Variants in RUFY3 observed in about 807,000 individuals in gnomAD.
RUFY3 encodes protein RUFY3.
A neutral mutation model predicts 84.0 loss-of-function variants in RUFY3; 34 were observed. That is an observed-to-expected ratio of 0.40 (90% CI 0.31 to 0.54). The LOEUF is 0.54. RUFY3 is among the 20% of genes least tolerant of loss of function. The pLI is 0.39. For synonymous variants in RUFY3, 242 were observed against 252.9 expected (o/e 0.96, Z 0.41); for missense variants, 507 against 736.8 (o/e 0.69, Z 3.61).
chr4:70,751,112 G>A (rs1723065314), intron 1 of RUFY3, among the ~76,000 whole-genome samples: 1 of 152,092 alleles, frequency 6.6e-6, no homozygotes, highest in Non-Finnish European at 1.5e-5. Flanking sequence ...ACATGCGCAG[G>A]TTTGTTACAT....
chr4:70,715,949 T>C (rs1246898979), intron 1 of RUFY3, among the ~76,000 whole-genome samples: 1 of 151,826 alleles, frequency 6.6e-6, no homozygotes, highest in Non-Finnish European at 1.5e-5. Context: ...CCATCTGTAC[T>C]AAAAATATAA....
upstream of RUFY3, among the ~76,000 whole-genome samples, chr4:70,718,729 CT>C (rs59240584): frequency 0.1 from 15,073 of 147,586 alleles, 1,582 homozygotes; most frequent in African/African-American, 0.27. Context: ...TATCTAAAAT[CT>C]TTTTTTTTTT....
chr4:70,792,138 T>G, intron 12 of RUFY3: 8 of 985,450 alleles, frequency 8.1e-6, no homozygotes, highest in Non-Finnish European at 9.6e-6. Flanking sequence ...TAACAAAAAA[T>G]GATGCAGTAC....
chr4:70,768,335 A>G (rs1344585374), intron 4 of RUFY3, among the ~76,000 whole-genome samples: 5 of 152,098 alleles, frequency 3.3e-5, no homozygotes, highest in Non-Finnish European at 7.3e-5. Context: ...CTCCAGTGCC[A>G]CTTGCCAACA....
chr4:70,722,846 C>A, intron 1 of RUFY3, 95 bp downstream of exon 1: 1 of 1,211,322 alleles, frequency 8.3e-7, no homozygotes, highest in Non-Finnish European at 1.2e-6. Context: ...AGAACCTACA[C>A]TCTCAACTGT....
Position 70,762,612 on chromosome 4 carries a change from G to A in RUFY3, c.272G>A (p.Gly91Glu), listed in dbSNP as rs1560511264. Residue 91 changes from glycine to glutamate, a missense_variant, in exon 2 of 18, where the codon GGG (glycine) becomes GAG (glutamate). Gly to Glu is a moderately conservative substitution (Grantham distance 98). Transcript: ENST00000381006. Reference sequence around the variant, plus strand: ...TTGATTGAATCAGCTCTGAACCTGGGGAGGACTCTTGACTCTGACTATGCA... The same window carrying A: ...TTGATTGAATCAGCTCTGAACCTGGAGAGGACTCTTGACTCTGACTATGCA... ...KGLIESALNL[G>E]RTLDSDYAPL... 6.2e-7 allele frequency: 1 copy of A among 1,613,982 alleles called. No homozygotes were observed. Among genetic ancestry groups the A allele is most frequent in the South Asian group, 1.1e-5 (1 of 91,058 alleles).
At chr4:70,775,925 A>G (rs1210188310) in intron 7 of RUFY3, among the ~76,000 whole-genome samples, 1 of 133,710 alleles carries the variant, frequency 7.5e-6, no homozygotes, top group Non-Finnish European at 1.5e-5. Flanking sequence ...TGGGTTACAG[A>G]GCGAGACACT....
chr4:70,728,363 G>A (rs1222561892), intron 1 of RUFY3, among the ~76,000 whole-genome samples: 2 of 152,226 alleles, frequency 1.3e-5, no homozygotes, highest in Admixed American at 6.5e-5. Flanking sequence ...GCAGCATCGT[G>A]AGAGAGGATC....
chr4:70,704,488 G>C (rs1740019773), upstream of RUFY3: 1 of 154,242 alleles, frequency 6.5e-6, no homozygotes, highest in Non-Finnish European at 1.4e-5. Context: ...ATTTCGCCAG[G>C]TCTTCCACTT....
chr4:70,793,052 C>T (rs1483276034), intron 12 of RUFY3: 17 of 985,220 alleles, frequency 1.7e-5, no homozygotes, highest in Middle Eastern at 5.2e-4. Context: ...CCTTCTAAAA[C>T]ATGCTTCTCT....
At position 70,784,873 on chromosome 4, in the gene RUFY3, A is replaced by C; in HGVS notation, c.1065A>C (p.Leu355Phe). 1 of 1,596,892 alleles carries C rather than the reference A, an allele frequency of 6.3e-7. No homozygotes were observed. Among genetic ancestry groups the C allele is most frequent in the East Asian group, 2.3e-5 (1 of 43,894 alleles). ...ARKHLKEETQLRLDVEKELEM... is the reference protein window; with the variant it reads ...ARKHLKEETQFRLDVEKELEM... ...AGCATTTAAAAGAAGAGACACAATT[A>C]CGATTGGTAAACTATGCTTAATTTC... Residue 355 changes from leucine (L) to phenylalanine (F), a missense_variant, in exon 10 of 18, where the codon TTA (leucine) becomes TTC (phenylalanine). Coordinates refer to ENST00000381006, the MANE Select transcript of RUFY3 (RefSeq NM_001037442.4).
At chr4:70,756,068 C>T (rs1011320297) in intron 1 of RUFY3, among the ~76,000 whole-genome samples, 1 of 152,120 alleles carries the variant, frequency 6.6e-6, no homozygotes, top group Admixed American at 6.6e-5. Flanking sequence ...GCTGTATTCC[C>T]CACCAATGTG....
At position 70,794,831 on chromosome 4, in the gene RUFY3, AAG is replaced by A; in HGVS notation, c.1496_1497del (p.Arg499LysfsTer32). 3.1e-6 allele frequency: 5 copies of A among 1,613,326 alleles called. No homozygotes were observed. The highest frequency in any genetic ancestry group is 4.2e-6 in the Non-Finnish European group (5 of 1,179,650). ...LELELKQEKE[R>X]RLQNDRSIPG... ...AGTTAGAACTAAAACAGGAAAAAGAAAGAAGATTACAAAACGACAGGAGCATC... is the reference window on the plus strand; with the variant it reads ...AGTTAGAACTAAAACAGGAAAAAGAAAAGATTACAAAACGACAGGAGCATC... On this transcript the variant is annotated frameshift_variant, in exon 14 of 18. Coordinates refer to ENST00000381006, the MANE Select transcript of RUFY3 (RefSeq NM_001037442.4). LOFTEE classifies it high-confidence loss of function.
intron 1 of RUFY3, among the ~76,000 whole-genome samples, chr4:70,743,779 G>A (rs1007731981): frequency 6.6e-6 from 1 of 151,888 alleles, no homozygotes; most frequent in Non-Finnish European, 1.5e-5. Flanking sequence ...TTACAGAAAA[G>A]TCTTTCTGAA....
chr4:70,789,125 C>T, intron 11 of RUFY3, 152 bp downstream of exon 11: 1 of 1,390,208 alleles, frequency 7.2e-7, no homozygotes, highest in Non-Finnish European at 9.5e-7. Context: ...CTTTCAGAAT[C>T]AGACAACCAT....
chr4:70,721,204 C>T (rs527293254), upstream of RUFY3, among the ~76,000 whole-genome samples: 11 of 151,592 alleles, frequency 7.3e-5, no homozygotes, highest in African/African-American at 9.7e-5. Flanking sequence ...CCCAGCTACT[C>T]GGGAGGCTGA....
intron 12 of RUFY3, chr4:70,792,097 A>G: frequency 1.0e-6 from 1 of 985,706 alleles, no homozygotes; most frequent in Non-Finnish European, 1.2e-6. Flanking sequence ...GTTCAGAGAG[A>G]ACAATTCTAA....
intron 5 of RUFY3, 34 bp downstream of exon 5, chr4:70,768,695 C>G (rs919709394): frequency 6.2e-7 from 1 of 1,605,732 alleles, no homozygotes; most frequent in African/African-American, 1.3e-5. Flanking sequence ...ATGGGTGTCA[C>G]TCTGAGTTCT....
chr4:70,766,294 G>T, intron 4 of RUFY3, among the ~76,000 whole-genome samples: 1 of 151,950 alleles, frequency 6.6e-6, no homozygotes. Context: ...ACCCAGGTTG[G>T]AGTGCAGTGG....
Sources: allele counts gnomAD v4.1 joint callset (sites outside exome capture counted in the v4.1 genomes callset), GRCh38; gene constraint gnomAD v4.1.1; transcripts MANE v1.5; gene names NCBI Gene and HGNC (gene_info 2026-07-23, HGNC 2026-07-21).